Variants in PDXDC1 observed in about 807,000 individuals in gnomAD.
The protein encoded by PDXDC1 is pyridoxal dependent decarboxylase domain containing 1.
In PDXDC1, 42 loss-of-function variants were observed where a neutral mutation model predicts 100.1. The ratio of observed to expected loss-of-function variants is 0.42; its 90% CI spans 0.33 to 0.54. The LOEUF is 0.54. PDXDC1 is among the 20% of genes least tolerant of loss of function. The probability of loss-of-function intolerance (pLI) is 0.10; values close to 1 mark genes in which losing one functional copy is unlikely to be tolerated. For missense variants in PDXDC1, 636 were observed against 979.2 expected, an observed-to-expected ratio of 0.65 and a Z score of 4.68; for synonymous variants, 260 against 371.7, an observed-to-expected ratio of 0.70 and a Z score of 3.46.
At chr16:15,040,947 G>C, downstream of PDXDC1, 1 of 737,602 alleles carries the variant, frequency 1.4e-6, no homozygotes, top group Non-Finnish European at 2.5e-6. Flanking sequence ...GTTCGGAGTA[G>C]CTGGGATCTG....
At chr16:15,104,573 G>C (rs1282949100) in intron 16 of PDXDC1, 1 of 1,599,216 alleles carries the variant, frequency 6.3e-7, no homozygotes, top group Non-Finnish European at 8.5e-7. Flanking sequence ...CATCCGCTGA[G>C]GGTGGAAGGG....
At chr16:15,046,697 C>CAAA (rs9331444) in intron 16 of PDXDC1, among the ~76,000 whole-genome samples, 6 of 43,640 alleles carry the variant, frequency 1.4e-4, no homozygotes, top group Admixed American at 3.5e-4. Flanking sequence ...CTGTCTCTAC[C>CAAA]AAAAAAAAAA....
At chr16:15,052,431 G>T (rs1398177919) in intron 16 of PDXDC1, among the ~76,000 whole-genome samples, 3 of 152,150 alleles carry the variant, frequency 2.0e-5, no homozygotes, top group African/African-American at 7.2e-5. Context: ...CTGTGACCTG[G>T]GGGATGATCA....
intron 16 of PDXDC1, among the ~76,000 whole-genome samples, chr16:15,054,626 A>ACAGAGCTGTCTGCCTTCTC (rs2044427092): frequency 6.6e-6 from 1 of 152,162 alleles, no homozygotes; most frequent in Non-Finnish European, 1.5e-5. Flanking sequence ...TGAGAATCAC[A>ACAGAGCTGTCTGCCTTCTC]CAGAGCTGTC....
At chr16:15,140,260 C>A (rs2048447390), downstream of PDXDC1, among the ~76,000 whole-genome samples, 1 of 150,862 alleles carries the variant, frequency 6.6e-6, no homozygotes, top group Non-Finnish European at 1.5e-5. Context: ...GACTGACCAA[C>A]ACGGAGACAC....
At chr16:15,033,091 A>G in intron 18 of PDXDC1, 112 bp downstream of exon 18, 1 of 966,636 alleles carries the variant, frequency 1.0e-6, no homozygotes, top group Middle Eastern at 2.1e-4. Flanking sequence ...GCTGGGTTCC[A>G]GGCGAAGATG....
chr16:15,020,281 T>G lies in PDXDC1; in HGVS notation c.1089+1316T>G, dbSNP rs559770905. On this transcript the variant is annotated intron_variant, in intron 12 of 22. Transcript: ENST00000396410. ...GGATGGCTCGAGGAACGAATACAGG[T>G]AGAGCTCTTGCAGTAGTGTCTGTTC... Among the ~76,000 whole-genome samples, 13 of 152,402 alleles carry G rather than the reference T, an allele frequency of 8.5e-5. No individual in the cohort carries two copies. In the South Asian group the frequency reaches 2.7e-3, roughly 32 times the overall value.
intron 1 of PDXDC1, among the ~76,000 whole-genome samples, chr16:14,983,394 A>T (rs1435293107): frequency 6.6e-6 from 1 of 150,406 alleles, no homozygotes; most frequent in African/African-American, 2.4e-5. Flanking sequence ...AACATGGTGA[A>T]ACCCCGTCTC....
At chr16:15,140,178 C>T (rs2048445457), downstream of PDXDC1, among the ~76,000 whole-genome samples, 1 of 148,638 alleles carries the variant, frequency 6.7e-6, no homozygotes, top group Non-Finnish European at 1.5e-5. Context: ...GGTGCAATGG[C>T]TCCTGCCTGT....
At chr16:15,083,370 G>T (rs2045782762) in intron 16 of PDXDC1, 1 of 1,340,824 alleles carries the variant, frequency 7.5e-7, no homozygotes, top group Non-Finnish European at 1.0e-6. Flanking sequence ...TTGCACTCCA[G>T]CTTGGGCGAC....
chr16:15,065,881 T>A (rs1353246158), intron 16 of PDXDC1, among the ~76,000 whole-genome samples: 1 of 152,204 alleles, frequency 6.6e-6, no homozygotes, highest in African/African-American at 2.4e-5. Flanking sequence ...CGGGGTTGAC[T>A]AAGTCATGAC....
At chr16:14,979,691 A>T (rs1047839442) in intron 1 of PDXDC1, among the ~76,000 whole-genome samples, 1 of 152,300 alleles carries the variant, frequency 6.6e-6, no homozygotes. Context: ...TCTTGAACTC[A>T]TCCTGAGCTA....
At chr16:15,091,339 G>A (rs201298856) in intron 16 of PDXDC1, 2 of 1,590,114 alleles carry the variant, frequency 1.3e-6, no homozygotes, top group Non-Finnish European at 1.7e-6. Flanking sequence ...CTAACAGCTG[G>A]TTCTTCAACA....
chr16:15,048,224 TGG>T (rs2151716814), intron 16 of PDXDC1: 1 of 642,768 alleles, frequency 1.6e-6, no homozygotes, highest in African/African-American at 1.8e-5. Context: ...AGTGTGTTAG[TGG>T]ACAGAGAGGC....
At chr16:15,022,403 C>T (rs2042273172) in intron 12 of PDXDC1, among the ~76,000 whole-genome samples, 1 of 152,300 alleles carries the variant, frequency 6.6e-6, no homozygotes. Flanking sequence ...GTGTTCAGTA[C>T]TGTGCCTTGC....
chr16:15,089,786 C>CAAAAAAAA (rs142235345), intron 16 of PDXDC1, among the ~76,000 whole-genome samples: 16 of 66,578 alleles, frequency 2.4e-4, no homozygotes, highest in Admixed American at 9.3e-4. Flanking sequence ...GGCGACAGAG[C>CAAAAAAAA]AAAAAAAAAA....
intron 16 of PDXDC1, chr16:15,074,677 C>A: frequency 6.7e-7 from 1 of 1,496,526 alleles, no homozygotes; most frequent in Admixed American, 1.9e-5. Context: ...AGCACAAAGC[C>A]AGGTACACTG....
intron 16 of PDXDC1, among the ~76,000 whole-genome samples, chr16:15,100,283 GTA>G (rs903809346): frequency 2.0e-5 from 3 of 152,108 alleles, no homozygotes; most frequent in Admixed American, 6.5e-5. Flanking sequence ...AACAATTATT[GTA>G]TGAGTCAATT....
chr16:15,046,692 T>C lies in PDXDC1; in HGVS notation c.1399+16636T>C, dbSNP rs1232274529. On this transcript the variant is annotated intron_variant, in intron 16 of 16. Transcript: ENST00000535621. ...CTGGGCAACTTGGCAAAACCCTGTC[T>C]CTACCAAAAAAAAAAAAAAAAAAAA... Among the ~76,000 whole-genome samples the C allele has an allele frequency of 2.3e-3, 236 of 104,464 alleles. 3 individuals carry two copies. The highest frequency in any genetic ancestry group is 8.0e-3 in the African/African-American group (216 of 27,044). The allele number at this position is 104,464 out of a possible 152,430, so 68.5% of individuals were successfully genotyped here.
Sources: gnomAD v4.1 joint callset for allele counts (sites outside exome capture counted in the v4.1 genomes callset) on GRCh38, gnomAD v4.1.1 for gene constraint, MANE v1.5 for transcripts, NCBI Gene and HGNC (gene_info 2026-07-23, HGNC 2026-07-21) for gene names.